Variants in TBCK observed in about 807,000 individuals in gnomAD.
The protein encoded by TBCK is TBC domain-containing protein kinase-like protein.
Under a neutral mutation model 113.4 loss-of-function variants are expected in TBCK, and 99 were observed. The observed-to-expected ratio is 0.87, with a 90% CI of 0.74 to 1.03. TBCK has a LOEUF of 1.03. Ranked by LOEUF, TBCK falls within the 50% of genes least tolerant of loss-of-function variation. The pLI is 0.00. For missense variants in TBCK, 1,045 were observed against 1,061.3 expected (o/e 0.98, Z 0.21); for synonymous variants, 369 against 370.8 (o/e 1.00, Z 0.05).
At position 106,041,665 on chromosome 4, in the gene TBCK, C is replaced by A. The variant is rs899799298; in HGVS notation, c.*4905G>T. 2 of 152,066 alleles carry A rather than the reference C, an allele frequency of 1.3e-5. No homozygotes were observed. Among genetic ancestry groups the A allele is most frequent in the Non-Finnish European group, 2.9e-5 (2 of 68,024 alleles). 9.4% of individuals were successfully genotyped at this position (152,066 alleles called of 1,614,324 possible). A position where few individuals can be genotyped will look rare whatever the true frequency, so the allele number is the denominator to read the frequency against. On this transcript the variant is annotated 3_prime_UTR_variant, in exon 26 of 26. Transcript: ENST00000394708. ...ATAGAACAGTATTATTGAAATGCTG[C>A]AGACAATGCAAACTAATAATAGGTC... is the stretch of plus-strand genomic sequence containing the variant.
intron 20 of TBCK, among the ~76,000 whole-genome samples, chr4:106,199,921 T>TG (rs1754688298): frequency 1.3e-5 from 2 of 152,212 alleles, no homozygotes; most frequent in African/African-American, 4.8e-5. Flanking sequence ...CAGAATGACC[T>TG]TGTTAAAATC....
intron 11 of TBCK, among the ~76,000 whole-genome samples, chr4:106,244,032 T>C (rs1362023410): frequency 6.6e-6 from 1 of 152,108 alleles, no homozygotes; most frequent in Non-Finnish European, 1.5e-5. Context: ...GAAATTTAGG[T>C]TCATATTTTT....
intron 25 of TBCK, among the ~76,000 whole-genome samples, chr4:106,076,218 A>G (rs1213583621): frequency 6.6e-6 from 1 of 152,096 alleles, no homozygotes; most frequent in Non-Finnish European, 1.5e-5. Flanking sequence ...TTGAGTGGGG[A>G]TGCTGCAGGT....
chr4:106,173,476 G>T (rs1229064302), intron 22 of TBCK, among the ~76,000 whole-genome samples: 2 of 152,042 alleles, frequency 1.3e-5, no homozygotes. Flanking sequence ...GTATTTGCAG[G>T]GCTCAAATCA....
chr4:106,181,904 G>A (rs921104264), intron 22 of TBCK, among the ~76,000 whole-genome samples: 1 of 152,128 alleles, frequency 6.6e-6, no homozygotes, highest in African/African-American at 2.4e-5. Flanking sequence ...ATTCTGAAAA[G>A]AAAGTCATTG....
At chr4:106,247,083 G>A in intron 10 of TBCK, 56 bp downstream of exon 10, 3 of 1,545,156 alleles carry the variant, frequency 1.9e-6, no homozygotes, top group Non-Finnish European at 2.6e-6. Context: ...GTAGGACAAG[G>A]AAACTTCTTT....
At chr4:106,052,837 C>G (rs1385596175) in intron 25 of TBCK, among the ~76,000 whole-genome samples, 1 of 151,688 alleles carries the variant, frequency 6.6e-6, no homozygotes, top group African/African-American at 2.4e-5. Flanking sequence ...ACAATTGTAA[C>G]TTGTAGCTAA....
intron 22 of TBCK, among the ~76,000 whole-genome samples, chr4:106,189,854 C>T (rs1256319424): frequency 1.3e-5 from 2 of 152,068 alleles, no homozygotes; most frequent in African/African-American, 2.4e-5. Context: ...AGCCACTCCT[C>T]TCCACTTTCC....
At chr4:106,258,283 C>T (rs981485618) in intron 5 of TBCK, among the ~76,000 whole-genome samples, 16 of 152,022 alleles carry the variant, frequency 1.1e-4, no homozygotes, top group Non-Finnish European at 1.5e-5. Flanking sequence ...TATTAAGCTA[C>T]TGGCCAACTG....
intron 25 of TBCK, among the ~76,000 whole-genome samples, chr4:106,094,114 C>A (rs184782530): frequency 1.3e-5 from 2 of 152,110 alleles, no homozygotes; most frequent in Non-Finnish European, 2.9e-5. Context: ...AAATCAATAG[C>A]CTAGTTCCTT....
intron 23 of TBCK, among the ~76,000 whole-genome samples, chr4:106,157,883 C>T (rs1213760511): frequency 6.6e-6 from 1 of 152,028 alleles, no homozygotes; most frequent in Non-Finnish European, 1.5e-5. Context: ...TTGCCCCCTC[C>T]CTATCATTTC....
intron 25 of TBCK, among the ~76,000 whole-genome samples, chr4:106,058,126 T>A (rs1735640626): frequency 1.3e-5 from 2 of 151,908 alleles, no homozygotes; most frequent in Non-Finnish European, 2.9e-5. Context: ...GGCACCATGC[T>A]AGGGGCTGGG....
chr4:106,043,136 C>G lies in TBCK; in HGVS notation c.*3434G>C, dbSNP rs1560571422. ...TTCAGGTCCTTTTCATTTCTGACAT[C>G]AAAAAACTTCTTTCTTTCAAACTTG... On this transcript the variant is annotated 3_prime_UTR_variant, in exon 26 of 26. Coordinates refer to ENST00000394708, the MANE Select transcript of TBCK (RefSeq NM_001163435.3). The G allele has an allele frequency of 6.6e-6, 1 of 152,090 alleles. No homozygotes were observed. Among genetic ancestry groups the G allele is most frequent in the African/African-American group, 2.4e-5 (1 of 41,412 alleles). 9.4% of individuals were successfully genotyped at this position (152,090 alleles called of 1,614,324 possible).
chr4:106,128,044 A>G (rs1745440913), intron 23 of TBCK, among the ~76,000 whole-genome samples: 1 of 152,204 alleles, frequency 6.6e-6, no homozygotes, highest in Admixed American at 6.5e-5. Context: ...TAAAAACTCT[A>G]GAGGCTGAAT....
intron 2 of TBCK, among the ~76,000 whole-genome samples, chr4:106,300,101 G>A (rs555051130): frequency 1.3e-5 from 2 of 152,290 alleles, no homozygotes; most frequent in African/African-American, 4.8e-5. Context: ...GTTCTATAAG[G>A]GGGAGTTTCC....
intron 23 of TBCK, among the ~76,000 whole-genome samples, chr4:106,155,399 T>C (rs1749007561): frequency 6.6e-6 from 1 of 152,162 alleles, no homozygotes; most frequent in South Asian, 2.1e-4. Context: ...TATCTTTCTC[T>C]ACATTTGGGA....
intron 15 of TBCK, among the ~76,000 whole-genome samples, chr4:106,234,229 G>A (rs1759203414): frequency 6.6e-6 from 1 of 152,104 alleles, no homozygotes; most frequent in African/African-American, 2.4e-5. Flanking sequence ...TTAATTTAAT[G>A]AGAGTTGGAC....
At chr4:106,125,080 G>T (rs191976474) in intron 23 of TBCK, among the ~76,000 whole-genome samples, 2 of 151,996 alleles carry the variant, frequency 1.3e-5, no homozygotes, top group African/African-American at 2.4e-5. Flanking sequence ...AAGCATGGAC[G>T]TTAGTAAGGA....
intron 1 of TBCK, among the ~76,000 whole-genome samples, chr4:106,309,305 CTTTTTTTTT>C (rs536969885): frequency 3.9e-5 from 4 of 103,164 alleles, no homozygotes; most frequent in African/African-American, 1.2e-4. Context: ...AGGCTCTTCT[CTTTTTTTTT>C]TTTTTTTTTT....
Sources: allele counts gnomAD v4.1 joint callset (sites outside exome capture counted in the v4.1 genomes callset), GRCh38; gene constraint gnomAD v4.1.1; transcripts MANE v1.5; gene names NCBI Gene and HGNC (gene_info 2026-07-23, HGNC 2026-07-21).